The following RALYL variants were observed in gnomAD, a reference collection of about 807,000 sequenced individuals.
RALYL encodes the protein RALY RNA binding protein like, also known as RNA-binding Raly-like protein.
RALYL carries 29 observed loss-of-function variants against 35.1 expected under a neutral mutation model. The observed-to-expected ratio is 0.83, with a 90% CI of 0.61 to 1.13. The LOEUF is 1.13. Ranked by LOEUF, RALYL falls within the 50% of genes most tolerant of loss-of-function variation. RALYL has a pLI of 0.00. For synonymous variants in RALYL, 120 were observed against 127.6 expected (o/e 0.94, Z 0.40); for missense variants, 359 against 360.4 (o/e 1.00, Z 0.03).
intron 2 of RALYL, among the ~76,000 whole-genome samples, chr8:84,564,250 G>C (rs968504790): frequency 6.6e-6 from 1 of 151,572 alleles, no homozygotes; most frequent in African/African-American, 2.4e-5. Flanking sequence ...CTATGAAATA[G>C]AAGTCTTAGA....
chr8:84,551,328 A>G (rs1340794371), intron 2 of RALYL, among the ~76,000 whole-genome samples: 1 of 152,128 alleles, frequency 6.6e-6, no homozygotes, highest in African/African-American at 2.4e-5. Flanking sequence ...GACCAACATA[A>G]TTGTTTCTGG....
chr8:84,508,038 C>A (rs1232811200), intron 1 of RALYL, among the ~76,000 whole-genome samples: 2 of 152,124 alleles, frequency 1.3e-5, no homozygotes, highest in Non-Finnish European at 1.5e-5. Context: ...TCAATATGTT[C>A]TTTTCACTAT....
intron 2 of RALYL, among the ~76,000 whole-genome samples, chr8:84,761,552 C>A (rs1812709337): frequency 6.6e-6 from 1 of 152,026 alleles, no homozygotes; most frequent in Non-Finnish European, 1.5e-5. Flanking sequence ...CCCCCTTTAA[C>A]TGTAAAGTGA....
chr8:84,413,926 G>C (rs949486924), intron 1 of RALYL, among the ~76,000 whole-genome samples: 1 of 151,968 alleles, frequency 6.6e-6, no homozygotes, highest in African/African-American at 2.4e-5. Context: ...ATTTGTCTTT[G>C]TATGGCATAT....
At chr8:84,321,637 C>T (rs73306958) in intron 1 of RALYL, among the ~76,000 whole-genome samples, 7,201 of 152,072 alleles carry the variant, frequency 0.047, 265 homozygotes, top group African/African-American at 0.083. Context: ...TCTTTGTCAC[C>T]TAAGCTGGGA....
intron 2 of RALYL, among the ~76,000 whole-genome samples, chr8:84,761,524 A>C (rs1812702133): frequency 6.6e-6 from 1 of 152,108 alleles, no homozygotes; most frequent in Non-Finnish European, 1.5e-5. Flanking sequence ...AAATTATATA[A>C]TTTTAATAAT....
chr8:84,844,190 A>G (rs976676532), intron 4 of RALYL, among the ~76,000 whole-genome samples: 19 of 152,312 alleles, frequency 1.2e-4, no homozygotes, highest in African/African-American at 4.3e-4. Flanking sequence ...CAACCTACAG[A>G]ATGGGAGAAA....
At chr8:84,630,115 T>A (rs1442488330) in intron 2 of RALYL, among the ~76,000 whole-genome samples, 1 of 151,872 alleles carries the variant, frequency 6.6e-6, no homozygotes, top group Non-Finnish European at 1.5e-5. Flanking sequence ...CCAGCTAAGA[T>A]TAGCACAACA....
chr8:84,903,391 T>C (rs1324415960), intron 8 of RALYL, among the ~76,000 whole-genome samples: 1 of 152,192 alleles, frequency 6.6e-6, no homozygotes, highest in Non-Finnish European at 1.5e-5. Context: ...TCTAGATCTT[T>C]GTATTTTGGT....
intron 4 of RALYL, among the ~76,000 whole-genome samples, chr8:84,842,488 C>A (rs1833650453): frequency 1.3e-5 from 2 of 152,088 alleles, no homozygotes; most frequent in Non-Finnish European, 2.9e-5. Flanking sequence ...AGCTTACCAA[C>A]CAAAAAAAGT....
chr8:84,685,374 A>G (rs895964187), intron 2 of RALYL, among the ~76,000 whole-genome samples: 1 of 152,056 alleles, frequency 6.6e-6, no homozygotes. Flanking sequence ...ACTAGTCTTC[A>G]TCCTAGTTCC....
chr8:84,909,653 C>T (rs181043552), intron 8 of RALYL, among the ~76,000 whole-genome samples: 2 of 152,180 alleles, frequency 1.3e-5, no homozygotes, highest in Non-Finnish European at 1.5e-5. Context: ...TGAAGACTTA[C>T]GTGACTTGAG....
chr8:84,419,815 G>A (rs931455939), intron 1 of RALYL, among the ~76,000 whole-genome samples: 2 of 150,420 alleles, frequency 1.3e-5, no homozygotes, highest in Non-Finnish European at 2.9e-5. Context: ...TTGTTCTTGC[G>A]ATAGTTTACT....
At chr8:84,184,867 G>T in intron 1 of RALYL, 3 of 1,088,962 alleles carry the variant, frequency 2.8e-6, no homozygotes, top group Non-Finnish European at 2.8e-6. Context: ...GGAGATGGGG[G>T]TAGAAGCGGC....
chr8:84,880,791 A>G (rs1676455844), intron 7 of RALYL, among the ~76,000 whole-genome samples: 1 of 151,992 alleles, frequency 6.6e-6, no homozygotes, highest in Non-Finnish European at 1.5e-5. Flanking sequence ...ATCACCTTTT[A>G]GTTGGTCTCC....
intron 4 of RALYL, among the ~76,000 whole-genome samples, chr8:84,813,024 A>G (rs1202356031): frequency 6.6e-6 from 1 of 152,014 alleles, no homozygotes; most frequent in Non-Finnish European, 1.5e-5. Flanking sequence ...CACCCTCCTG[A>G]TGGATCCCTG....
rs77182062 is a variant in RALYL at position 84,762,161 on chromosome 8, G to A, written c.257-12418G>A. On this transcript the variant is annotated intron_variant, in intron 2 of 8. Coordinates refer to ENST00000521268, the MANE Select transcript of RALYL (RefSeq NM_173848.7). The stretch of plus-strand genomic sequence containing the variant: ...CATGAAGGGCAAGAGAGGGAATGCA[G>A]TGGGATAGAAAGAGGAGAGATACAG... Among the ~76,000 whole-genome samples the A allele has an allele frequency of 7.9e-5, 12 of 152,248 alleles. No homozygotes were observed. In the East Asian group the frequency reaches 2.1e-3, roughly 27 times the overall value.
intron 1 of RALYL, among the ~76,000 whole-genome samples, chr8:84,515,583 G>A (rs1327806851): frequency 6.6e-6 from 1 of 152,092 alleles, no homozygotes; most frequent in Non-Finnish European, 1.5e-5. Context: ...CCAGAAATGT[G>A]ATAATATCTT....
chr8:84,335,681 A>T (rs1057236359), intron 1 of RALYL, among the ~76,000 whole-genome samples: 3 of 142,326 alleles, frequency 2.1e-5, no homozygotes, highest in African/African-American at 8.1e-5. Context: ...AGAGTGGTTT[A>T]ATATTTCTAA....
Sources: allele counts gnomAD v4.1 joint callset (sites outside exome capture counted in the v4.1 genomes callset), GRCh38; gene constraint gnomAD v4.1.1; transcripts MANE v1.5; gene names NCBI Gene and HGNC (gene_info 2026-07-23, HGNC 2026-07-21).